The following METTL9 variants were observed in gnomAD, a reference collection of about 807,000 sequenced individuals.
METTL9 encodes methyltransferase 9, His-X-His N1(pi)-histidine.
Under a neutral mutation model 36.0 loss-of-function variants are expected in METTL9, and 10 were observed. The observed-to-expected ratio is 0.28, with a 90% CI of 0.17 to 0.47. The LOEUF (loss-of-function observed/expected upper bound fraction) is 0.47, where lower values mean the gene tolerates loss of function less well. METTL9 is among the 20% of genes least tolerant of loss of function. METTL9 has a pLI of 0.99. For synonymous variants in METTL9, 175 were observed against 149.7 expected (o/e 1.17, Z -1.23); for missense variants, 246 against 383.5 (o/e 0.64, Z 3.00).
In METTL9 at chr16:21,599,588, C is replaced by T. The variant is rs1317861577; in HGVS notation, c.-146C>T. On this transcript the variant is annotated 5_prime_UTR_variant, in exon 1 of 5. Transcript: ENST00000358154. This position sits in a 1 kb window ranked among gnomAD's most constrained non-coding sequence, Gnocchi z 4.4. ...CGCGCCGGCTGCTCCTCCCCACCCCCAGCCTTTGCCCTGAAGGGGGCTGGA... is the reference window on the plus strand; with the variant it reads ...CGCGCCGGCTGCTCCTCCCCACCCCTAGCCTTTGCCCTGAAGGGGGCTGGA... 4 of 1,303,696 alleles carry T rather than the reference C, an allele frequency of 3.1e-6. No homozygotes were observed. The highest frequency in any genetic ancestry group is 6.6e-5 in the East Asian group (2 of 30,418). 80.8% of individuals were successfully genotyped at this position (1,303,696 alleles called of 1,614,324 possible). A position where few individuals can be genotyped will look rare whatever the true frequency, so the allele number is the denominator to read the frequency against.
intron 1 of METTL9, among the ~76,000 whole-genome samples, chr16:21,602,872 T>C (rs1349694689): frequency 6.6e-6 from 1 of 152,102 alleles, no homozygotes; most frequent in African/African-American, 2.4e-5. Context: ...TTGGTTAGGC[T>C]GGTCTCAAAC....
chr16:21,645,977 C>T (rs1044116285), intron 4 of METTL9, among the ~76,000 whole-genome samples: 7 of 152,178 alleles, frequency 4.6e-5, no homozygotes, highest in Admixed American at 1.3e-4. Flanking sequence ...TGGATGGTCT[C>T]CCTTCCTCAG....
intron 4 of METTL9, among the ~76,000 whole-genome samples, chr16:21,625,557 T>A (rs1965798270): frequency 6.6e-6 from 1 of 152,218 alleles, no homozygotes; most frequent in African/African-American, 2.4e-5. Flanking sequence ...TGCTTTTATC[T>A]GTTTTTTTCT....
Position 21,612,775 on chromosome 16 carries a change from T to C in METTL9, c.296T>C (p.Leu99Ser), listed in dbSNP as rs1276410253. Residue 99 changes from leucine (L) to serine (S), a missense_variant, in exon 2 of 5, where the codon TTA becomes TCA. By Grantham distance (145) the Leu-to-Ser change is moderately radical. Around this residue, in one of 2 missense-constraint regions of METTL9, gnomAD observed 146 missense variants for 302.1 expected, o/e 0.48. Coordinates refer to ENST00000358154, the MANE Select transcript of METTL9 (RefSeq NM_016025.5). ...IEKSGWLFIQ[L>S]YHSFVSSVFS... ...AAATCGGGCTGGCTATTTATCCAAT[T>C]ATATCATTCTTTTGTGTCATCTGTT... 6.2e-7 allele frequency: 1 copy of C among 1,613,346 alleles called. No individual in the cohort carries two copies. The highest frequency in any genetic ancestry group is 8.5e-7 in the Non-Finnish European group (1 of 1,179,812).
Position 21,647,135 on chromosome 16 carries a change from C to T in METTL9, c.752-8092C>T, listed in dbSNP as rs766865720. 11 of 1,614,204 alleles carry T rather than the reference C, an allele frequency of 6.8e-6. No individual in the cohort carries two copies. In the South Asian group the frequency reaches 9.9e-5, roughly 15 times the overall value. ...GAAATAAAGCCTCGCTGACTGACCT[C>T]TTACCACCAGTGTGGTCCCTCCTCC... On this transcript the variant is annotated intron_variant, in intron 4 of 4. Coordinates refer to ENST00000358154, the MANE Select transcript of METTL9 (RefSeq NM_016025.5).
chr16:21,641,495 G>A (rs778501363), intron 4 of METTL9: 2 of 1,276,684 alleles, frequency 1.6e-6, no homozygotes, highest in African/African-American at 3.0e-5. Context: ...AGCTCCTGGA[G>A]TTGGATTTTC....
At chr16:21,597,930 A>G (rs1964986815), upstream of METTL9, 2 of 152,416 alleles carry the variant, frequency 1.3e-5, no homozygotes, top group Admixed American at 1.3e-4. Context: ...TATTGGAAAG[A>G]GAGAACACAA....
chr16:21,616,401 G>A lies in METTL9; in HGVS notation c.357-1464G>A, dbSNP rs1965555778. On this transcript the variant is annotated intron_variant, in intron 2 of 4. Coordinates refer to ENST00000358154, the MANE Select transcript of METTL9 (RefSeq NM_016025.5). Reference sequence around the variant, plus strand: ...GAGTTCCACTTCATTTAAAGAAAGGGTTCTGCTGCTTAAAGGAGGGTTGAG... The same window carrying A: ...GAGTTCCACTTCATTTAAAGAAAGGATTCTGCTGCTTAAAGGAGGGTTGAG... Among the ~76,000 whole-genome samples, 3 of 152,172 alleles carry A rather than the reference G, an allele frequency of 2.0e-5. No individual in the cohort carries two copies. In the South Asian group the frequency reaches 6.2e-4, roughly 31 times the overall value.
chr16:21,645,557 T>C (rs1361169878), intron 4 of METTL9, among the ~76,000 whole-genome samples: 1 of 152,240 alleles, frequency 6.6e-6, no homozygotes, highest in Non-Finnish European at 1.5e-5. Flanking sequence ...ACCACATCTA[T>C]ACAACTAAAA....
Position 21,599,978 on chromosome 16 carries a change from G to C in METTL9, c.165+80G>C. On this transcript the variant is annotated intron_variant, in intron 1 of 4. Coordinates refer to ENST00000358154, the MANE Select transcript of METTL9 (RefSeq NM_016025.5). The surrounding 1 kb of genome is among the most constrained non-coding windows in gnomAD (Gnocchi z 4.4). ...CTGGGCCCGGCTATTGTGCGGGACG[G>C]CTCCGCGAGGGGGCGGCCCGGCCCT... is the stretch of plus-strand genomic sequence containing the variant. 1 of 1,149,400 alleles carries C rather than the reference G, an allele frequency of 8.7e-7. No homozygotes were observed. The highest frequency in any genetic ancestry group is 1.1e-6 in the Non-Finnish European group (1 of 921,894). The allele number at this position is 1,149,400 out of a possible 1,614,324, so 71.2% of individuals were successfully genotyped here.
At chr16:21,601,377 G>A (rs1192410347) in intron 1 of METTL9, among the ~76,000 whole-genome samples, 1 of 152,130 alleles carries the variant, frequency 6.6e-6, no homozygotes, top group Admixed American at 6.6e-5. Flanking sequence ...TTAAGCAGTT[G>A]ATAGAAATAA....
Position 21,612,672 on chromosome 16 carries a change from T to C in METTL9, c.193T>C (p.Cys65Arg), listed in dbSNP as rs910021594. The part of the protein sequence containing the change: ...QWYVCNREKL[C>R]ESLQAVFVQS... The stretch of plus-strand genomic sequence containing the variant: ...GTATGTGTGCAACAGAGAGAAATTA[T>C]GCGAATCACTCCAGGCTGTCTTTGT... The change falls in exon 2 of 5, where the codon TGC becomes CGC. Residue 65 changes from cysteine to arginine, a missense_variant. Around this residue, in one of 2 missense-constraint regions of METTL9, gnomAD observed 146 missense variants for 302.1 expected, o/e 0.48. Transcript: ENST00000358154. The C allele has an allele frequency of 6.4e-5, 100 of 1,572,242 alleles. No individual in the cohort carries two copies. Among genetic ancestry groups the C allele is most frequent in the Non-Finnish European group, 8.1e-5 (94 of 1,164,862 alleles).
rs776600015 is a variant in METTL9, at chr16:21,624,960, C to T, written c.596C>T (p.Thr199Met). 1.1e-5 allele frequency: 18 copies of T among 1,613,920 alleles called. No homozygotes were observed. Among genetic ancestry groups the T allele is most frequent in the African/African-American group, 6.7e-5 (5 of 74,880 alleles). Residue 199 changes from threonine to methionine, a missense_variant, in exon 4 of 5, where the codon ACG becomes ATG. This residue lies in a region of METTL9 where 146 missense variants were observed against 302.1 expected (regional missense o/e 0.48). Coordinates refer to ENST00000358154, the MANE Select transcript of METTL9 (RefSeq NM_016025.5). ...CTTGGTATAAATGAATGGCAGAATA[C>T]GGGGTTCCAGTATGATGTCATCAGC... The part of the protein sequence containing the change: ...RVLGINEWQN[T>M]GFQYDVISCL...
Position 21,612,834 on chromosome 16 carries a change from G to A in METTL9, c.355G>A (p.Gly119Arg). 1.3e-6 allele frequency: 2 copies of A among 1,578,782 alleles called. No individual in the cohort carries two copies. The highest frequency in any genetic ancestry group is 2.0e-5 in the Admixed American group (1 of 51,210). Residue 119 changes from glycine (G) to arginine (R), a missense_variant and splice_region_variant, in exon 2 of 5, where the codon GGG (glycine) becomes AGG (arginine). Around this residue, in one of 2 missense-constraint regions of METTL9, gnomAD observed 146 missense variants for 302.1 expected, o/e 0.48. Coordinates refer to ENST00000358154, the MANE Select transcript of METTL9 (RefSeq NM_016025.5). ...SLFMSRTSINGLLGRGSMFVF... is the reference protein window; with the variant it reads ...SLFMSRTSINRLLGRGSMFVF... The stretch of plus-strand genomic sequence containing the variant: ...GTTTATGTCTAGAACATCTATCAAT[G>A]GGTAAGTGAATCTTGGACATTTATT...
At chr16:21,645,912 T>C (rs1966412865) in intron 4 of METTL9, among the ~76,000 whole-genome samples, 1 of 152,222 alleles carries the variant, frequency 6.6e-6, no homozygotes. Flanking sequence ...AAATGACATT[T>C]GAATATCAAA....
At chr16:21,599,558 G>A, upstream of METTL9, 1 of 1,284,656 alleles carries the variant, frequency 7.8e-7, no homozygotes, top group Non-Finnish European at 9.8e-7. The surrounding 1 kb of genome is among the most constrained non-coding windows in gnomAD (Gnocchi z 4.4). Flanking sequence ...GAGGTGCCGA[G>A]GCTGCGCGCC....
chr16:21,619,403 G>A lies in METTL9; in HGVS notation c.566+1329G>A, dbSNP rs957986154. Among the ~76,000 whole-genome samples the A allele has an allele frequency of 1.6e-4, 23 of 140,136 alleles. 1 individual carries two copies. The highest frequency in any genetic ancestry group is 5.1e-4 in the African/African-American group (19 of 37,352). The allele number at this position is 140,136 out of a possible 152,430, so 91.9% of individuals were successfully genotyped here. ...AATCTTGGTTTTAAGGTCATCTGGA[G>A]TTTGAAAGACTAGGAAGAAGGGCCT... On this transcript the variant is annotated intron_variant, in intron 3 of 4. Transcript: ENST00000358154.
chr16:21,656,301 A>G lies in METTL9; in HGVS notation c.*869A>G, dbSNP rs1000997146. The G allele has an allele frequency of 5.9e-5, 9 of 151,796 alleles. No homozygotes were observed. The highest frequency in any genetic ancestry group is 2.2e-4 in the African/African-American group (9 of 41,344). The allele number at this position is 151,796 out of a possible 1,614,324, so 9.4% of individuals were successfully genotyped here. ...TTCTGGACAATCTCAGGTTCTCAGA[A>G]TTGAAACATTCAGTTTTGTCTACTG... is the stretch of plus-strand genomic sequence containing the variant. On this transcript the variant is annotated 3_prime_UTR_variant, in exon 5 of 5. Coordinates refer to ENST00000358154, the MANE Select transcript of METTL9 (RefSeq NM_016025.5).
At chr16:21,616,528 G>A (rs1965558365) in intron 2 of METTL9, among the ~76,000 whole-genome samples, 2 of 152,146 alleles carry the variant, frequency 1.3e-5, no homozygotes, top group Admixed American at 6.5e-5. Flanking sequence ...AGACTTGGCT[G>A]GACCTATAGT....
Sources: gnomAD v4.1 joint callset for allele counts (sites outside exome capture counted in the v4.1 genomes callset) on GRCh38, gnomAD v4.1.1 for gene constraint, gnomAD v4.1.1 regional missense constraint, Gnocchi (gnomAD v3.1) non-coding constraint, MANE v1.5 for transcripts, NCBI Gene and HGNC (gene_info 2026-07-23, HGNC 2026-07-21) for gene names.